CARNMT1: variants seen among roughly 807,000 people sequenced by gnomAD.
CARNMT1 encodes protein-L-histidine N-pros-methyltransferase CARNMT1.
CARNMT1 carries 28 observed loss-of-function variants against 49.6 expected under a neutral mutation model. That is an observed-to-expected ratio of 0.56 (90% CI 0.42 to 0.77). The LOEUF (loss-of-function observed/expected upper bound fraction) is 0.77, where lower values mean the gene tolerates loss of function less well. Among genes scored for constraint, CARNMT1 ranks in the 30% least tolerant of loss-of-function variants. The pLI, the probability that CARNMT1 is intolerant of heterozygous loss-of-function variation, is 0.00. For synonymous variants in CARNMT1, 178 were observed against 175.0 expected (o/e 1.02, Z -0.13); for missense variants, 421 against 512.6 (o/e 0.82, Z 1.73).
chr9:74,998,543 C>A, intron 5 of CARNMT1, 55 bp downstream of exon 5: 19 of 1,369,828 alleles, frequency 1.4e-5, no homozygotes, highest in Non-Finnish European at 1.8e-5. Flanking sequence ...ATAAAACTAG[C>A]TCATTAAATT....
Position 75,017,431 on chromosome 9 carries a change from C to T in CARNMT1, c.248G>A (p.Arg83Gln). Residue 83 changes from arginine (R) to glutamine (Q), a missense_variant, in exon 2 of 8, where the codon CGG becomes CAG. Transcript: ENST00000376834. Reference protein sequence around the residue: ...FRYYGTSMHERVNRTERQFRS... With the variant: ...FRYYGTSMHEQVNRTERQFRS... ...AAACTGTCTTTCTGTTCGGTTCACC[C>T]GCTCATGCATACTGGTGCTAAAACA... 3.1e-6 allele frequency: 5 copies of T among 1,613,858 alleles called. No individual in the cohort carries two copies. The highest frequency in any genetic ancestry group is 3.4e-6 in the Non-Finnish European group (4 of 1,179,910).
Position 74,992,952 on chromosome 9 carries a change from A to G in CARNMT1, c.1024+3495T>C, listed in dbSNP as rs528743481. ...TAAGCCTCCAGGTCTATATAATTAA[A>G]GCCAAAACCATAAGAATGTTATGAA... On this transcript the variant is annotated intron_variant, in intron 6 of 7. Coordinates refer to ENST00000376834, the MANE Select transcript of CARNMT1 (RefSeq NM_152420.3). 3.9e-5 allele frequency among the ~76,000 whole-genome samples: 6 copies of G among 152,372 alleles called. No homozygotes were observed. In the South Asian group the frequency reaches 1.2e-3, roughly 32 times the overall value.
At chr9:75,020,271 T>C (rs1387601302) in intron 1 of CARNMT1, among the ~76,000 whole-genome samples, 2 of 147,278 alleles carry the variant, frequency 1.4e-5, no homozygotes, top group South Asian at 2.2e-4. Flanking sequence ...TTTCTTCTTT[T>C]TTTTTTTTTT....
chr9:74,998,663 CTG>C lies in CARNMT1; in HGVS notation c.843_844del (p.His281GlnfsTer7). The stretch of plus-strand genomic sequence containing the variant: ...AGAAAAGTTAGAACCAGGAGGAAGA[CTG>C]TGGGGGTCAACATCAGGGAAAAAGA... On this transcript the variant is annotated frameshift_variant, in exon 5 of 8. Transcript: ENST00000376834. LOFTEE classifies it high-confidence loss of function. 6.2e-7 allele frequency: 1 copy of C among 1,608,794 alleles called. No homozygotes were observed. Among genetic ancestry groups the C allele is most frequent in the Non-Finnish European group, 8.5e-7 (1 of 1,177,402 alleles).
At chr9:75,009,357 T>C (rs1255772190) in intron 3 of CARNMT1, among the ~76,000 whole-genome samples, 1 of 152,134 alleles carries the variant, frequency 6.6e-6, no homozygotes, top group African/African-American at 2.4e-5. Flanking sequence ...GCAGTCCTCC[T>C]GACTCAGGGA....
intron 3 of CARNMT1, among the ~76,000 whole-genome samples, chr9:75,008,893 C>T (rs1176002218): frequency 1.3e-5 from 2 of 152,096 alleles, no homozygotes; most frequent in Non-Finnish European, 2.9e-5. Flanking sequence ...ACTCACACTT[C>T]CTGACTTTGA....
In CARNMT1 at chr9:75,016,375, C is replaced by G; in HGVS notation, c.483G>C (p.Thr161=). Residue 161 remains threonine (T), a synonymous_variant, in exon 3 of 8, where the codon ACG becomes ACC. Coordinates refer to ENST00000376834, the MANE Select transcript of CARNMT1 (RefSeq NM_152420.3). ...STFDMDKLKS[T]LKQFVRDWSE... is the part of the protein sequence containing the mutation. ...TCCAGTCTCTCACAAACTGTTTCAG[C>G]GTGGATTTTAACTTATCCATGTCAA... The G allele has an allele frequency of 6.2e-7, 1 of 1,614,078 alleles. No homozygotes were observed. Among genetic ancestry groups the G allele is most frequent in the South Asian group, 1.1e-5 (1 of 91,070 alleles).
chr9:75,007,299 G>C (rs890791496), intron 3 of CARNMT1, among the ~76,000 whole-genome samples: 1 of 151,952 alleles, frequency 6.6e-6, no homozygotes, highest in Non-Finnish European at 1.5e-5. Context: ...GGAATGCAAG[G>C]GTGGTTCAAC....
At chr9:75,025,004 C>T (rs1024264206) in intron 1 of CARNMT1, among the ~76,000 whole-genome samples, 3 of 152,144 alleles carry the variant, frequency 2.0e-5, no homozygotes, top group East Asian at 1.9e-4. Context: ...AGGGAAAATA[C>T]ATTTACACTA....
At chr9:75,010,714 A>G (rs1312748828) in intron 3 of CARNMT1, among the ~76,000 whole-genome samples, 1 of 152,212 alleles carries the variant, frequency 6.6e-6, no homozygotes, top group Non-Finnish European at 1.5e-5. Flanking sequence ...ACCCCAAGAC[A>G]TTAGCAAATC....
intron 6 of CARNMT1, among the ~76,000 whole-genome samples, chr9:74,987,090 G>A (rs904776158): frequency 2.0e-5 from 3 of 152,174 alleles, no homozygotes; most frequent in African/African-American, 7.2e-5. Flanking sequence ...CATTTTTACT[G>A]ACCTGATTCA....
chr9:74,998,954 C>G (rs1015311786), intron 4 of CARNMT1, among the ~76,000 whole-genome samples, 178 bp from the exon 5 acceptor site: 6 of 151,818 alleles, frequency 4.0e-5, no homozygotes, highest in Admixed American at 2.0e-4. Flanking sequence ...AGATGAGCAA[C>G]CAATCAATGG....
At chr9:75,014,945 C>T (rs954477591) in intron 3 of CARNMT1, among the ~76,000 whole-genome samples, 21 of 152,006 alleles carry the variant, frequency 1.4e-4, no homozygotes, top group Non-Finnish European at 2.6e-4. Flanking sequence ...AATACTCAAA[C>T]GTAAAGTTGT....
intron 6 of CARNMT1, among the ~76,000 whole-genome samples, chr9:74,994,994 T>C (rs1833144411): frequency 6.6e-6 from 1 of 152,164 alleles, no homozygotes; most frequent in Admixed American, 6.6e-5. Flanking sequence ...GAGCCAACTT[T>C]ATGTGCTTCA....
chr9:74,983,920 A>C lies in CARNMT1; in HGVS notation c.1129-52T>G, dbSNP rs375158217. ...CTATGACAGTCATCATGACCACACC[A>C]CTAACAAATTCTGAGCACATATGTA... On this transcript the variant is annotated intron_variant, in intron 7 of 7. Transcript: ENST00000376834. 9 of 1,285,022 alleles carry C rather than the reference A, an allele frequency of 7.0e-6. No individual in the cohort carries two copies. In the African/African-American group the frequency reaches 8.9e-5, roughly 13 times the overall value. The allele number at this position is 1,285,022 out of a possible 1,614,324, so 79.6% of individuals were successfully genotyped here. A position where few individuals can be genotyped will look rare whatever the true frequency, so the allele number is the denominator to read the frequency against.
intron 1 of CARNMT1, chr9:75,027,318 A>T: frequency 1.4e-6 from 1 of 739,222 alleles, no homozygotes; most frequent in Non-Finnish European, 1.7e-6. Flanking sequence ...GGAGAATTAG[A>T]TACAGATTTG....
In CARNMT1 at chr9:75,001,401, T is replaced by C. The variant is rs555240300; in HGVS notation, c.591-1531A>G. 7.2e-5 allele frequency among the ~76,000 whole-genome samples: 11 copies of C among 152,286 alleles called. No homozygotes were observed. The South Asian group carries it at 1.0e-3, about 14-fold the overall frequency. ...AATTCTCCTTAACTAAACAGAACCATAGAACTCTCCACCTCAACCTAATGG... is the reference window on the plus strand; with the variant it reads ...AATTCTCCTTAACTAAACAGAACCACAGAACTCTCCACCTCAACCTAATGG... On this transcript the variant is annotated intron_variant, in intron 3 of 7. Transcript: ENST00000376834.
chr9:75,003,570 T>C (rs1258004837), intron 3 of CARNMT1, among the ~76,000 whole-genome samples: 2 of 152,254 alleles, frequency 1.3e-5, no homozygotes, highest in Non-Finnish European at 2.9e-5. Flanking sequence ...ACCCCTGATC[T>C]AATACAATAC....
intron 3 of CARNMT1, among the ~76,000 whole-genome samples, chr9:75,006,546 C>T (rs1833516806): frequency 6.6e-6 from 1 of 151,974 alleles, no homozygotes; most frequent in African/African-American, 2.4e-5. Flanking sequence ...TAACAAAAAA[C>T]AGTGTAATAG....
Sources: allele counts gnomAD v4.1 joint callset (sites outside exome capture counted in the v4.1 genomes callset), GRCh38; gene constraint gnomAD v4.1.1; transcripts MANE v1.5; gene names NCBI Gene and HGNC (gene_info 2026-07-23, HGNC 2026-07-21).